RAPGEF5: variants seen among roughly 807,000 people sequenced by gnomAD.
The protein encoded by RAPGEF5 is Rap guanine nucleotide exchange factor 5.
Under a neutral mutation model 125.2 loss-of-function variants are expected in RAPGEF5, and 65 were observed. That is an observed-to-expected ratio of 0.52 (90% CI 0.43 to 0.64). The LOEUF (loss-of-function observed/expected upper bound fraction) is 0.64. Among genes scored for constraint, RAPGEF5 ranks in the 30% least tolerant of loss-of-function variants. RAPGEF5 has a pLI of 0.00. For synonymous variants in RAPGEF5, 391 were observed against 385.9 expected, an observed-to-expected ratio of 1.01 and a Z score of -0.16; for missense variants, 958 against 1,048.1, an observed-to-expected ratio of 0.91 and a Z score of 1.19.
At chr7:22,162,890 C>T (rs1784051525) in intron 12 of RAPGEF5, 1 of 468,890 alleles carries the variant, frequency 2.1e-6, no homozygotes, top group Non-Finnish European at 4.2e-6. Flanking sequence ...AGCCTCACTA[C>T]ACAGGTGAAT....
intron 9 of RAPGEF5, 110 bp downstream of exon 9, chr7:22,219,756 C>T: frequency 7.1e-7 from 1 of 1,409,646 alleles, no homozygotes; most frequent in Non-Finnish European, 9.4e-7. Flanking sequence ...GAAAAAAACC[C>T]CCAAAACCTA....
chr7:22,166,841 T>C (rs1784182219), intron 12 of RAPGEF5, among the ~76,000 whole-genome samples: 1 of 152,220 alleles, frequency 6.6e-6, no homozygotes, highest in Non-Finnish European at 1.5e-5. Flanking sequence ...GAACATAATA[T>C]AAACAGTGTA....
chr7:22,226,742 C>G (rs748610397), intron 8 of RAPGEF5, among the ~76,000 whole-genome samples: 16 of 152,266 alleles, frequency 1.1e-4, no homozygotes, highest in Non-Finnish European at 1.5e-4. Flanking sequence ...TAATTCCTAG[C>G]CCGTCACTGT....
At chr7:22,321,591 C>G (rs1458472851) in intron 1 of RAPGEF5, among the ~76,000 whole-genome samples, 1 of 152,208 alleles carries the variant, frequency 6.6e-6, no homozygotes, top group Admixed American at 6.5e-5. Context: ...TACAGAAGCA[C>G]TACCTGCCCT....
chr7:22,241,241 T>A (rs1384533288), intron 7 of RAPGEF5, among the ~76,000 whole-genome samples: 2 of 152,232 alleles, frequency 1.3e-5, no homozygotes. Context: ...CTCATTAAGT[T>A]TTTTTGTTTC....
At chr7:22,200,622 T>C (rs1294031808) in intron 9 of RAPGEF5, among the ~76,000 whole-genome samples, 3 of 152,212 alleles carry the variant, frequency 2.0e-5, no homozygotes, top group Admixed American at 6.5e-5. Context: ...TTTATAGATA[T>C]GAAAATAAAC....
chr7:22,280,712 T>G (rs536841524), intron 6 of RAPGEF5, among the ~76,000 whole-genome samples: 1 of 152,232 alleles, frequency 6.6e-6, no homozygotes, highest in Non-Finnish European at 1.5e-5. Context: ...TGGAAACATA[T>G]AGGTACAAAA....
intron 23 of RAPGEF5, among the ~76,000 whole-genome samples, chr7:22,133,379 G>C (rs1413279025): frequency 6.6e-6 from 1 of 152,200 alleles, no homozygotes; most frequent in Non-Finnish European, 1.5e-5. Context: ...AAACAAATGA[G>C]AGGTTGGGCT....
At chr7:22,140,757 C>T (rs566981032) in intron 20 of RAPGEF5, among the ~76,000 whole-genome samples, 2 of 152,176 alleles carry the variant, frequency 1.3e-5, no homozygotes, top group South Asian at 2.1e-4. Context: ...AGAGACTTAA[C>T]TGGTCAACAT....
At chr7:22,262,583 C>T (rs1213953261) in intron 7 of RAPGEF5, among the ~76,000 whole-genome samples, 1 of 151,984 alleles carries the variant, frequency 6.6e-6, no homozygotes, top group Non-Finnish European at 1.5e-5. Flanking sequence ...AGTATTTATT[C>T]CAGAGAAATG....
At chr7:22,272,187 C>T (rs1005961329) in intron 6 of RAPGEF5, among the ~76,000 whole-genome samples, 3 of 151,396 alleles carry the variant, frequency 2.0e-5, no homozygotes, top group African/African-American at 7.3e-5. Context: ...ACTAAAAATA[C>T]AAAAAAATTA....
At chr7:22,261,852 C>CA (rs35816236) in intron 7 of RAPGEF5, among the ~76,000 whole-genome samples, 1 of 148,822 alleles carries the variant, frequency 6.7e-6, no homozygotes, top group African/African-American at 2.5e-5. Flanking sequence ...ATTCATAGGC[C>CA]AAAAAAAAAA....
chr7:22,309,820 C>T (rs1783427455), intron 4 of RAPGEF5, 149 bp downstream of exon 4: 2 of 935,914 alleles, frequency 2.1e-6, no homozygotes, highest in African/African-American at 1.8e-5. Flanking sequence ...AAAAGATGAC[C>T]TGTCACTTAG....
rs185501922 is a variant in RAPGEF5 at position 22,164,322 on chromosome 7, C to A, written c.1284-1781G>T. Among the ~76,000 whole-genome samples the A allele has an allele frequency of 3.3e-5, 5 of 152,244 alleles. No homozygotes were observed. The East Asian group carries it at 9.6e-4, about 29-fold the overall frequency. On this transcript the variant is annotated intron_variant, in intron 12 of 25. Coordinates refer to ENST00000665637, the MANE Select transcript of RAPGEF5 (RefSeq NM_012294.5). The stretch of plus-strand genomic sequence containing the variant: ...CTCCAGCCTAGGTAACAGAGCAAGA[C>A]CTGTCTCAAAGATTTATCTTACATT...
chr7:22,165,622 T>C (rs1348781853), intron 12 of RAPGEF5, among the ~76,000 whole-genome samples: 2 of 152,198 alleles, frequency 1.3e-5, no homozygotes, highest in Non-Finnish European at 2.9e-5. Flanking sequence ...ATATCGACTA[T>C]AGCTTTGTTT....
intron 21 of RAPGEF5, among the ~76,000 whole-genome samples, chr7:22,137,685 G>C (rs956642049): frequency 2.0e-5 from 3 of 152,192 alleles, no homozygotes; most frequent in African/African-American, 7.2e-5. Context: ...TTTGAACTCT[G>C]ACTCTGCCCT....
At chr7:22,236,803 G>A (rs544154798) in intron 7 of RAPGEF5, among the ~76,000 whole-genome samples, 2 of 152,280 alleles carry the variant, frequency 1.3e-5, no homozygotes, top group Admixed American at 6.5e-5. Context: ...AGGGTCACAC[G>A]GAGATAAATA....
chr7:22,266,217 G>A (rs558605727), intron 7 of RAPGEF5, among the ~76,000 whole-genome samples: 51 of 152,144 alleles, frequency 3.4e-4, no homozygotes, highest in African/African-American at 1.1e-3. Flanking sequence ...CGCCTGAAAC[G>A]TCTTATTCTA....
chr7:22,134,479 G>A (rs189085321), intron 23 of RAPGEF5, among the ~76,000 whole-genome samples: 293 of 103,048 alleles, frequency 2.8e-3, no homozygotes, highest in Non-Finnish European at 4.0e-3. Context: ...TTGCATCCGA[G>A]CTAAAATGTG....
Sources: gnomAD v4.1 joint callset for allele counts (sites outside exome capture counted in the v4.1 genomes callset) on GRCh38, gnomAD v4.1.1 for gene constraint, MANE v1.5 for transcripts, NCBI Gene and HGNC (gene_info 2026-07-23, HGNC 2026-07-21) for gene names.